The following GPC6 variants were observed in gnomAD, a reference collection of about 807,000 sequenced individuals.
The protein encoded by GPC6 is glypican 6, also known as glypican-6.
A neutral mutation model predicts 55.2 loss-of-function variants in GPC6; 14 were observed. That is an observed-to-expected ratio of 0.25 (90% CI 0.17 to 0.40). The LOEUF (loss-of-function observed/expected upper bound fraction) is 0.40. Ranked by LOEUF, GPC6 falls within the 10% of genes least tolerant of loss-of-function variation. The pLI, the probability that GPC6 is intolerant of heterozygous loss-of-function variation, is 1.00. For missense variants in GPC6, 641 were observed against 708.5 expected, an observed-to-expected ratio of 0.90 and a Z score of 1.08; for synonymous variants, 278 against 259.6, an observed-to-expected ratio of 1.07 and a Z score of -0.68.
At chr13:93,679,019 A>C (rs1215670977) in intron 2 of GPC6, among the ~76,000 whole-genome samples, 1 of 152,088 alleles carries the variant, frequency 6.6e-6, no homozygotes, top group Non-Finnish European at 1.5e-5. Flanking sequence ...TCTCCTGAAG[A>C]GCTCTATTCT....
At chr13:93,310,825 C>A (rs992694377) in intron 1 of GPC6, among the ~76,000 whole-genome samples, 4 of 152,198 alleles carry the variant, frequency 2.6e-5, no homozygotes, top group African/African-American at 9.6e-5. Flanking sequence ...ATTTGAATAA[C>A]TGATATGACA....
intron 1 of GPC6, among the ~76,000 whole-genome samples, chr13:93,387,056 T>A (rs2139212061): frequency 6.6e-6 from 1 of 152,230 alleles, no homozygotes; most frequent in East Asian, 1.9e-4. Context: ...TCATATCCTG[T>A]GGTTTCAGGT....
At chr13:93,641,652 G>A (rs1252583937) in intron 2 of GPC6, among the ~76,000 whole-genome samples, 2 of 152,018 alleles carry the variant, frequency 1.3e-5, no homozygotes, top group African/African-American at 4.8e-5. Flanking sequence ...AGGAGGGCCT[G>A]GGTCACAAAT....
chr13:93,471,010 C>T (rs558182994), intron 1 of GPC6, among the ~76,000 whole-genome samples: 1 of 152,114 alleles, frequency 6.6e-6, no homozygotes, highest in South Asian at 2.1e-4. Flanking sequence ...CATTGGTAAT[C>T]TGTGTCTCCT....
In GPC6 at chr13:93,818,268, AT is replaced by A. The variant is rs1357584561; in HGVS notation, c.320-11879del. 2.6e-5 allele frequency among the ~76,000 whole-genome samples: 4 copies of A among 151,804 alleles called. No homozygotes were observed. In the South Asian group the frequency reaches 6.2e-4, roughly 24 times the overall value. ...TTTAGACATCTGTGGAACAAGGTAA[AT>A]TTTTTTATTCTGTGAATTTTCACAT... On this transcript the variant is annotated intron_variant, in intron 2 of 8. Transcript: ENST00000377047.
At chr13:93,712,204 A>T (rs1883091214) in intron 2 of GPC6, among the ~76,000 whole-genome samples, 1 of 151,792 alleles carries the variant, frequency 6.6e-6, no homozygotes, top group African/African-American at 2.4e-5. Flanking sequence ...TATGATTTAT[A>T]TAATTTGCTC....
intron 8 of GPC6, among the ~76,000 whole-genome samples, chr13:94,401,736 T>G (rs1370945104): frequency 6.6e-6 from 1 of 152,222 alleles, no homozygotes; most frequent in South Asian, 2.1e-4. Context: ...TTACATGTCA[T>G]AAAATATTCT....
At chr13:93,548,936 G>A (rs939487823) in intron 2 of GPC6, among the ~76,000 whole-genome samples, 2 of 152,114 alleles carry the variant, frequency 1.3e-5, no homozygotes, top group African/African-American at 4.8e-5. Flanking sequence ...TTCTCCAAGG[G>A]TCTGACAAGG....
intron 1 of GPC6, among the ~76,000 whole-genome samples, chr13:93,523,928 G>C (rs2139403748): frequency 6.6e-6 from 1 of 152,024 alleles, no homozygotes; most frequent in Admixed American, 6.6e-5. Flanking sequence ...TGTGAGTCTA[G>C]AATAAGCCTG....
At chr13:93,997,699 A>G (rs1261192821) in intron 3 of GPC6, among the ~76,000 whole-genome samples, 1 of 152,168 alleles carries the variant, frequency 6.6e-6, no homozygotes, top group Non-Finnish European at 1.5e-5. Flanking sequence ...CTTTTTAGCA[A>G]TATAGTAGTG....
chr13:93,900,163 T>TA (rs397700252), intron 3 of GPC6, among the ~76,000 whole-genome samples: 7 of 152,040 alleles, frequency 4.6e-5, no homozygotes, highest in Non-Finnish European at 8.8e-5. Flanking sequence ...TTGTTTTTTT[T>TA]AAGTGACTTA....
chr13:93,407,469 A>G (rs914705986), intron 1 of GPC6, among the ~76,000 whole-genome samples: 2 of 152,160 alleles, frequency 1.3e-5, no homozygotes, highest in South Asian at 2.1e-4. Flanking sequence ...AAAGTATCCA[A>G]TGTCAAATAT....
chr13:93,676,031 G>C (rs1294425391), intron 2 of GPC6, among the ~76,000 whole-genome samples: 2 of 150,072 alleles, frequency 1.3e-5, no homozygotes, highest in African/African-American at 5.0e-5. Context: ...AGCACTTTGG[G>C]AGGCCAAGGC....
At chr13:94,248,932 G>A (rs115532019) in intron 4 of GPC6, among the ~76,000 whole-genome samples, 1,882 of 152,204 alleles carry the variant, frequency 0.012, 41 homozygotes, top group African/African-American at 0.043. Flanking sequence ...GAAATGCATT[G>A]CAAATATGTT....
At chr13:93,742,486 A>G (rs1177610321) in intron 2 of GPC6, among the ~76,000 whole-genome samples, 1 of 152,178 alleles carries the variant, frequency 6.6e-6, no homozygotes. Flanking sequence ...TTTAGGAAAC[A>G]TTTTTCAAGT....
intron 1 of GPC6, among the ~76,000 whole-genome samples, chr13:93,282,572 A>G (rs1314277805): frequency 6.6e-6 from 1 of 152,152 alleles, no homozygotes; most frequent in African/African-American, 2.4e-5. Flanking sequence ...CTCTCCTTAA[A>G]TATAAGAAGA....
chr13:93,795,240 T>A lies in GPC6; in HGVS notation c.320-34914T>A, dbSNP rs75044787. ...TGTGCTGTGCTACAAGAGTTTGTGA[T>A]AAAGAATTAATTTTCTTACTATATT... On this transcript the variant is annotated intron_variant, in intron 2 of 8. Transcript: ENST00000377047. Among the ~76,000 whole-genome samples, 703 of 152,328 alleles carry A rather than the reference T, an allele frequency of 4.6e-3. 7 individuals carry two copies. The highest frequency in any genetic ancestry group is 0.016 in the African/African-American group (674 of 41,588).
At position 93,802,896 on chromosome 13, in the gene GPC6, G is replaced by C. The variant is rs533042313; in HGVS notation, c.320-27258G>C. Among the ~76,000 whole-genome samples, 3 of 152,202 alleles carry C rather than the reference G, an allele frequency of 2.0e-5. No individual in the cohort carries two copies. In the East Asian group the frequency reaches 5.8e-4, roughly 29 times the overall value. On this transcript the variant is annotated intron_variant, in intron 2 of 8. Coordinates refer to ENST00000377047, the MANE Select transcript of GPC6 (RefSeq NM_005708.5). ...TTTTTAATATAAGTTTGTCAATTAA[G>C]AGTTTTCTCTACTCCAGACTAAACT...
Position 93,833,056 on chromosome 13 carries a change from GAGAT to G in GPC6, c.711+2516_711+2519del, listed in dbSNP as rs1157940757. On this transcript the variant is annotated intron_variant, in intron 3 of 8. Coordinates refer to ENST00000377047, the MANE Select transcript of GPC6 (RefSeq NM_005708.5). ...GCACTGCCTTTTGGAGATGGGTAGAGAGATAGATGGATGGATGGATGGATGGATG... is the reference window on the plus strand; with the variant it reads ...GCACTGCCTTTTGGAGATGGGTAGAGAGATGGATGGATGGATGGATGGATG... Among the ~76,000 whole-genome samples, 14 of 149,882 alleles carry G rather than the reference GAGAT, an allele frequency of 9.3e-5. 1 individual carries two copies. The highest frequency in any genetic ancestry group is 5.3e-4 in the Admixed American group (8 of 15,040).
Sources: gnomAD v4.1 joint callset for allele counts (sites outside exome capture counted in the v4.1 genomes callset) on GRCh38, gnomAD v4.1.1 for gene constraint, MANE v1.5 for transcripts, NCBI Gene and HGNC (gene_info 2026-07-23, HGNC 2026-07-21) for gene names.